The following MAST4 variants were observed in gnomAD, a reference collection of about 807,000 sequenced individuals.
MAST4 encodes the protein microtubule-associated serine/threonine-protein kinase 4.
In MAST4, 89 loss-of-function variants were observed where a neutral mutation model predicts 162.7. The observed-to-expected ratio is 0.55, with a 90% confidence interval of 0.46 to 0.65. The LOEUF (loss-of-function observed/expected upper bound fraction) is 0.65, where lower values mean the gene tolerates loss of function less well. MAST4 is among the 30% of genes least tolerant of loss of function. MAST4 has a pLI of 0.00. For synonymous variants in MAST4, 1,479 were observed against 1,361.1 expected (o/e 1.09, Z -1.91); for missense variants, 3,153 against 3,374.0 (o/e 0.93, Z 1.62).
At chr5:67,013,465 G>C (rs1414985128) in intron 4 of MAST4, among the ~76,000 whole-genome samples, 2 of 152,170 alleles carry the variant, frequency 1.3e-5, no homozygotes, top group Non-Finnish European at 2.9e-5. Context: ...ATGAGTATTT[G>C]TTGAAGCTAT....
intron 4 of MAST4, among the ~76,000 whole-genome samples, chr5:66,964,691 C>A (rs1746469472): frequency 6.6e-6 from 1 of 152,106 alleles, no homozygotes; most frequent in Admixed American, 6.5e-5. Context: ...TCCCAGCTAC[C>A]CCATGGGAGG....
intron 6 of MAST4, chr5:67,093,751 A>G: frequency 2.6e-6 from 1 of 385,364 alleles, no homozygotes; most frequent in Admixed American, 2.6e-5. Flanking sequence ...GCATCACAAA[A>G]CAAAATCATG....
rs887488409 is a variant in MAST4, at chr5:67,168,077, C to T, written c.*1026C>T. The T allele has an allele frequency of 6.6e-6, 1 of 152,184 alleles. No homozygotes were observed. Among genetic ancestry groups the T allele is most frequent in the East Asian group, 1.9e-4 (1 of 5,194 alleles). 9.4% of individuals were successfully genotyped at this position (152,184 alleles called of 1,614,324 possible). ...CTGGCTGCACCCAAATCTTCTAGTA[C>T]TTGAGTAATAAGCATCAGGCATTGG... On this transcript the variant is annotated 3_prime_UTR_variant, in exon 29 of 29. Coordinates refer to ENST00000403625, the MANE Select transcript of MAST4 (RefSeq NM_001164664.2).
At chr5:66,640,735 T>G (rs1322286851) in intron 1 of MAST4, among the ~76,000 whole-genome samples, 1 of 152,236 alleles carries the variant, frequency 6.6e-6, no homozygotes, top group Non-Finnish European at 1.5e-5. Flanking sequence ...TCATTTCCTT[T>G]GGGCATGTAC....
At chr5:66,683,962 G>A (rs1409381115) in intron 1 of MAST4, among the ~76,000 whole-genome samples, 1 of 152,238 alleles carries the variant, frequency 6.6e-6, no homozygotes, top group Non-Finnish European at 1.5e-5. Flanking sequence ...TGCTGTGAAA[G>A]TAGGTATGAT....
At chr5:67,052,528 A>C (rs1453604922) in intron 4 of MAST4, among the ~76,000 whole-genome samples, 1 of 152,104 alleles carries the variant, frequency 6.6e-6, no homozygotes, top group African/African-American at 2.4e-5. Context: ...TATGTATGGT[A>C]GTGTACGTTT....
intron 4 of MAST4, among the ~76,000 whole-genome samples, chr5:66,991,418 T>G (rs1750055349): frequency 6.6e-6 from 1 of 152,216 alleles, no homozygotes; most frequent in Non-Finnish European, 1.5e-5. Flanking sequence ...ACCTGTCTTA[T>G]ATCTTTGAAG....
chr5:66,974,594 T>G (rs1043895161), intron 4 of MAST4, among the ~76,000 whole-genome samples: 1 of 152,214 alleles, frequency 6.6e-6, no homozygotes, highest in Admixed American at 6.5e-5. Flanking sequence ...GTGGAAACAT[T>G]TTATGATGCA....
At chr5:66,751,697 G>A (rs1052270957) in intron 1 of MAST4, among the ~76,000 whole-genome samples, 1 of 150,360 alleles carries the variant, frequency 6.7e-6, no homozygotes, top group African/African-American at 2.5e-5. Context: ...TGCGGAGAAT[G>A]GAACCAAGTT....
intron 1 of MAST4, among the ~76,000 whole-genome samples, chr5:66,750,095 CAG>C (rs2149590482): frequency 6.6e-6 from 1 of 152,260 alleles, no homozygotes; most frequent in Non-Finnish European, 1.5e-5. Context: ...TATCAAGAAA[CAG>C]AATAACTGAA....
In MAST4 at chr5:66,596,726, C is replaced by T; in HGVS notation, c.71C>T (p.Pro24Leu). 1.4e-6 allele frequency: 2 copies of T among 1,433,042 alleles called. No individual in the cohort carries two copies. Among genetic ancestry groups the T allele is most frequent in the East Asian group, 2.8e-5 (1 of 36,262 alleles). The allele number at this position is 1,433,042 out of a possible 1,614,324, so 88.8% of individuals were successfully genotyped here. A position where few individuals can be genotyped will look rare whatever the true frequency, so the allele number is the denominator to read the frequency against. ...RGCSGHGSRT[P>L]ASALVAASSP... ...TGCAGTGGCCACGGCAGCCGGACTC[C>T]AGCCTCTGCGCTGGTCGCCGCGTCC... Residue 24 changes from proline (P) to leucine (L), a missense_variant, in exon 1 of 29, where the codon CCA (proline) becomes CTA (leucine). This residue lies in a region of MAST4 where 327 missense variants were observed against 336.5 expected (regional missense o/e 0.97). Coordinates refer to ENST00000403625, the MANE Select transcript of MAST4 (RefSeq NM_001164664.2).
At chr5:66,819,775 ATT>A (rs33985795) in intron 3 of MAST4, among the ~76,000 whole-genome samples, 4 of 137,250 alleles carry the variant, frequency 2.9e-5, no homozygotes, top group Non-Finnish European at 3.1e-5. Context: ...TCACTGTGGG[ATT>A]TTTTTTTTTT....
chr5:67,164,732 C>T lies in MAST4; in HGVS notation c.5553C>T (p.Asn1851=), dbSNP rs377665287. 16 of 1,613,896 alleles carry T rather than the reference C, an allele frequency of 9.9e-6. No individual in the cohort carries two copies. Among genetic ancestry groups the T allele is most frequent in the Non-Finnish European group, 1.4e-5 (16 of 1,179,900 alleles). The part of the protein sequence containing the change: ...PVLPSSSGKK[N]DTTSARELSP... Reference sequence around the variant, plus strand: ...TCCCCAGCAGCAGTGGGAAAAAGAACGATACCACCAGTGCAAGAGAGCTTT... The same window carrying T: ...TCCCCAGCAGCAGTGGGAAAAAGAATGATACCACCAGTGCAAGAGAGCTTT... Residue 1851 remains asparagine (N), a synonymous_variant, in exon 29 of 29, where the codon AAC becomes AAT. Transcript: ENST00000403625. The surrounding 1 kb of genome is among the most constrained non-coding windows in gnomAD (Gnocchi z 5.3).
chr5:66,837,592 G>A (rs1215184322), intron 3 of MAST4, among the ~76,000 whole-genome samples: 5 of 151,760 alleles, frequency 3.3e-5, no homozygotes, highest in Non-Finnish European at 7.4e-5. Flanking sequence ...CCCTTAGGAC[G>A]TGGTTCACCT....
chr5:67,062,393 C>A (rs62372505), intron 5 of MAST4, among the ~76,000 whole-genome samples: 6 of 151,548 alleles, frequency 4.0e-5, no homozygotes, highest in East Asian at 1.9e-4. Context: ...GCAAGATGGT[C>A]CCCAAAAAAA....
chr5:66,786,389 C>G (rs1755121473), intron 2 of MAST4, among the ~76,000 whole-genome samples: 1 of 151,718 alleles, frequency 6.6e-6, no homozygotes. Flanking sequence ...CATGTAGCTT[C>G]TGTACCTCTC....
intron 3 of MAST4, among the ~76,000 whole-genome samples, chr5:66,819,278 A>T (rs963679298): frequency 2.0e-5 from 3 of 151,652 alleles, no homozygotes; most frequent in Middle Eastern, 3.4e-3. Flanking sequence ...TTAGCTATTT[A>T]AAAAAAATAA....
At chr5:66,899,414 G>T (rs537832432) in intron 3 of MAST4, among the ~76,000 whole-genome samples, 2 of 152,204 alleles carry the variant, frequency 1.3e-5, no homozygotes, top group African/African-American at 4.8e-5. Context: ...GGAATAAATG[G>T]ATGTTTTGAG....
intron 1 of MAST4, among the ~76,000 whole-genome samples, chr5:66,671,751 A>G (rs547916434): frequency 4.8e-4 from 73 of 152,332 alleles, no homozygotes; most frequent in African/African-American, 1.7e-3. Context: ...AGCTCTTTCA[A>G]GTGAGGTGCA....
Sources: allele counts gnomAD v4.1 joint callset (sites outside exome capture counted in the v4.1 genomes callset), GRCh38; gene constraint gnomAD v4.1.1; regional missense constraint gnomAD v4.1.1; non-coding constraint Gnocchi (gnomAD v3.1); transcripts MANE v1.5; gene names NCBI Gene and HGNC (gene_info 2026-07-23, HGNC 2026-07-21).